Variants in ANKRD24 observed in about 807,000 individuals in gnomAD.
ANKRD24 encodes ankyrin repeat domain 24, also known as ankyrin repeat domain-containing protein 24.
A neutral mutation model predicts 127.8 loss-of-function variants in ANKRD24; 109 were observed. The ratio of observed to expected loss-of-function variants is 0.85; its 90% CI spans 0.73 to 1.00. ANKRD24 has a LOEUF of 1.00. ANKRD24 is among the 50% of genes least tolerant of loss of function. The pLI, the probability that ANKRD24 is intolerant of heterozygous loss-of-function variation, is 0.00. For missense variants in ANKRD24, 1,648 were observed against 1,570.2 expected (o/e 1.05, Z -0.84); for synonymous variants, 743 against 671.1 (o/e 1.11, Z -1.66).
intron 2 of ANKRD24, among the ~76,000 whole-genome samples, chr19:4,192,303 A>C (rs1382861329): frequency 6.6e-6 from 1 of 151,884 alleles, no homozygotes; most frequent in Admixed American, 6.6e-5. Flanking sequence ...GACTCCATAC[A>C]TCAATGCTTC....
rs751478860 is a variant in ANKRD24, at chr19:4,207,953, C to G, written c.817C>G (p.Pro273Ala). 2.0e-6 allele frequency: 3 copies of G among 1,507,806 alleles called. No homozygotes were observed. Among genetic ancestry groups the G allele is most frequent in the African/African-American group, 1.4e-5 (1 of 71,616 alleles). The allele number at this position is 1,507,806 out of a possible 1,614,324, so 93.4% of individuals were successfully genotyped here. The change falls in exon 10 of 22, where the codon CCC becomes GCC. Residue 273 changes from proline (P) to alanine (A), a missense_variant. Physicochemically the swap from Pro to Ala is conservative, Grantham distance 27 (BLOSUM62 -1). Coordinates refer to ENST00000318934, the MANE Select transcript of ANKRD24 (RefSeq NM_001393985.1). ...CCTTCTGCAAGAGGCGGCCCAGCGCCCCTCCCCACCCAGCGGTATGCAAGC... is the reference window on the plus strand; with the variant it reads ...CCTTCTGCAAGAGGCGGCCCAGCGCGCCTCCCCACCCAGCGGTATGCAAGC... Reference protein sequence around the residue: ...LHLLQEAAQRPSPPSALTEDD... With the variant: ...LHLLQEAAQRASPPSALTEDD...
In ANKRD24 at chr19:4,189,106, C is replaced by T. The variant is rs114206115; in HGVS notation, c.36+2645C>T. ...ATTACAGGCGTGAGCCACTGCACTC[C>T]GCCCATTTTATTTTGTTTTTAAACT... On this transcript the variant is annotated intron_variant, in intron 2 of 21. Coordinates refer to ENST00000318934, the MANE Select transcript of ANKRD24 (RefSeq NM_001393985.1). Among the ~76,000 whole-genome samples the T allele has an allele frequency of 5.1e-3, 774 of 152,140 alleles. 6 individuals are homozygous for T. The highest frequency in any genetic ancestry group is 0.017 in the African/African-American group (691 of 41,524).
At chr19:4,190,027 G>T (rs1057424141) in intron 2 of ANKRD24, among the ~76,000 whole-genome samples, 5 of 152,170 alleles carry the variant, frequency 3.3e-5, no homozygotes, top group Admixed American at 2.6e-4. Flanking sequence ...ATGTGGCATT[G>T]GGTGAGCTTC....
intron 15 of ANKRD24, among the ~76,000 whole-genome samples, chr19:4,215,228 G>A (rs1323135622): frequency 2.0e-5 from 3 of 152,244 alleles, no homozygotes; most frequent in Non-Finnish European, 4.4e-5. Flanking sequence ...GCTCACGCCT[G>A]TAATCCCACC....
At chr19:4,183,353 G>A in intron 1 of ANKRD24, 1 of 986,154 alleles carries the variant, frequency 1.0e-6, no homozygotes, top group Non-Finnish European at 1.2e-6. Flanking sequence ...CAATGGGGCT[G>A]GTGGCCTGGA....
chr19:4,212,475 T>G lies in ANKRD24; in HGVS notation c.1060T>G (p.Ser354Ala). The G allele has an allele frequency of 1.3e-6, 2 of 1,575,682 alleles. No individual in the cohort carries two copies. The highest frequency in any genetic ancestry group is 1.7e-6 in the Non-Finnish European group (2 of 1,162,846). ...CCCCTGTCCCTGTTTCTCCCGTCAG[T>G]CCCCGGAGGCCAGCTCCCTGCACAT... is the stretch of plus-strand genomic sequence containing the variant. ...EQHKERRQQESPEASSLHILE... is the reference protein window; with the variant it reads ...EQHKERRQQEAPEASSLHILE... The change falls in exon 14 of 22, where the codon TCC (serine) becomes GCC (alanine). Residue 354 changes from serine (S) to alanine (A), a missense_variant and splice_region_variant. Physicochemically the swap from Ser to Ala is moderately conservative, Grantham distance 99 (BLOSUM62 1). Transcript: ENST00000318934.
At chr19:4,223,807 GC>G (rs1428866671) in intron 20 of ANKRD24, among the ~76,000 whole-genome samples, 9 of 151,470 alleles carry the variant, frequency 5.9e-5, no homozygotes, top group Non-Finnish European at 1.3e-4. Context: ...CCTGTTATCC[GC>G]CCGCCTTGGC....
intron 18 of ANKRD24, 38 bp downstream of exon 18, chr19:4,218,201 T>C (rs545281595): frequency 3.9e-5 from 55 of 1,409,034 alleles, no homozygotes; most frequent in African/African-American, 2.7e-4. Context: ...CCCACCCCCA[T>C]TGGCCACGTG....
chr19:4,202,205 C>T, intron 6 of ANKRD24, 115 bp downstream of exon 6: 1 of 941,080 alleles, frequency 1.1e-6, no homozygotes. Flanking sequence ...GCCCCTTTTA[C>T]TCCAGAACCC....
chr19:4,221,632 G>A (rs753349442), intron 19 of ANKRD24, among the ~76,000 whole-genome samples: 3 of 152,114 alleles, frequency 2.0e-5, no homozygotes, highest in African/African-American at 7.2e-5. Flanking sequence ...GACAGGAGAC[G>A]AGACACCCAG....
At chr19:4,203,238 G>A (rs1188425206) in intron 7 of ANKRD24, among the ~76,000 whole-genome samples, 2 of 152,008 alleles carry the variant, frequency 1.3e-5, no homozygotes, top group Admixed American at 6.6e-5. Context: ...TAGTAAAGAC[G>A]GGGTTTCACC....
intron 5 of ANKRD24, among the ~76,000 whole-genome samples, chr19:4,201,375 G>A (rs891526747): frequency 3.3e-5 from 5 of 152,066 alleles, no homozygotes; most frequent in African/African-American, 9.7e-5. Flanking sequence ...ATATGGATTG[G>A]CAAGAACATA....
In ANKRD24 at chr19:4,195,168, G is replaced by A. The variant is rs1968639061; in HGVS notation, c.37-4515G>A. On this transcript the variant is annotated intron_variant, in intron 2 of 21. Transcript: ENST00000318934. This position sits in a 1 kb window ranked among gnomAD's most constrained non-coding sequence, Gnocchi z 4.2. The stretch of plus-strand genomic sequence containing the variant: ...GCTCACTGCAAGCTCCGCCTCCCGG[G>A]TGCACGCCATTCTCCTGCCTCAGTC... Among the ~76,000 whole-genome samples the A allele has an allele frequency of 6.6e-6, 1 of 151,386 alleles. No individual in the cohort carries two copies. The highest frequency in any genetic ancestry group is 1.5e-5 in the Non-Finnish European group (1 of 67,644).
chr19:4,219,446 TGC>T, intron 18 of ANKRD24, 143 bp from the exon 19 acceptor site: 1 of 827,356 alleles, frequency 1.2e-6, no homozygotes. Context: ...CAGCCAGGAG[TGC>T]AGGTCCGGAG....
At chr19:4,191,972 T>C (rs894941643) in intron 2 of ANKRD24, among the ~76,000 whole-genome samples, 7 of 145,944 alleles carry the variant, frequency 4.8e-5, no homozygotes, top group Non-Finnish European at 9.0e-5. Flanking sequence ...GTATTTTTAA[T>C]AGAGATGGGT....
At chr19:4,193,847 GGAAGGAAGGAAGGAA>G (rs1193885254) in intron 2 of ANKRD24, among the ~76,000 whole-genome samples, 2 of 8,998 alleles carry the variant, frequency 2.2e-4, no homozygotes, top group African/African-American at 4.1e-4. Context: ...GAGGGAGGGA[GGAAGGAAGGAAGGAA>G]GGAAGGAAGG....
chr19:4,208,965 T>G (rs1969545487), intron 11 of ANKRD24, 164 bp downstream of exon 11: 1 of 640,774 alleles, frequency 1.6e-6, no homozygotes, highest in Admixed American at 3.0e-5. Flanking sequence ...GGCAGTGTGC[T>G]CAGCCTAACT....
rs1417380499 is a variant in ANKRD24 at position 4,216,300 on chromosome 19, G to A, written c.1287G>A (p.Leu429=). Reference sequence around the variant, plus strand: ...CCCCTCCAGGGGCCGAGGTGCTGCTGTCCAGACAACTCAGTCCGTCGGCCC... The same window carrying A: ...CCCCTCCAGGGGCCGAGGTGCTGCTATCCAGACAACTCAGTCCGTCGGCCC... ...LPDLPGAEVL[L]SRQLSPSAQE... The change falls in exon 17 of 22, where the codon CTG becomes CTA. Residue 429 remains leucine, a synonymous_variant. Transcript: ENST00000318934. The A allele has an allele frequency of 6.4e-7, 1 of 1,555,862 alleles. No homozygotes were observed.
chr19:4,220,782 CCT>C, intron 19 of ANKRD24, among the ~76,000 whole-genome samples: 1 of 151,956 alleles, frequency 6.6e-6, no homozygotes, highest in South Asian at 2.1e-4. Flanking sequence ...GTCTCAATCT[CCT>C]GACCTCGTGA....
Sources: gnomAD v4.1 joint callset for allele counts (sites outside exome capture counted in the v4.1 genomes callset) on GRCh38, gnomAD v4.1.1 for gene constraint, Gnocchi (gnomAD v3.1) non-coding constraint, MANE v1.5 for transcripts, NCBI Gene and HGNC (gene_info 2026-07-23, HGNC 2026-07-21) for gene names.